The following AUTS2 variants were observed in gnomAD, a reference collection of about 807,000 sequenced individuals.
The protein encoded by AUTS2 is activator of transcription and developmental regulator AUTS2, also known as autism susceptibility gene 2 protein.
A neutral mutation model predicts 112.4 loss-of-function variants in AUTS2; 17 were observed. That is an observed-to-expected ratio of 0.15 (90% CI 0.10 to 0.23). The LOEUF (loss-of-function observed/expected upper bound fraction) is 0.23, where lower values mean the gene tolerates loss of function less well. Ranked by LOEUF, AUTS2 falls within the 10% of genes least tolerant of loss-of-function variation. AUTS2 has a pLI of 1.00. For synonymous variants in AUTS2, 751 were observed against 702.7 expected (o/e 1.07, Z -1.09); for missense variants, 1,510 against 1,701.6 (o/e 0.89, Z 1.98).
chr7:69,918,068 C>T (rs1423030113), intron 2 of AUTS2, among the ~76,000 whole-genome samples: 1 of 152,110 alleles, frequency 6.6e-6, no homozygotes, highest in Non-Finnish European at 1.5e-5. Context: ...GTCTTGATTT[C>T]CTGACCTCGT....
chr7:69,797,281 G>C (rs986267915), intron 1 of AUTS2, among the ~76,000 whole-genome samples: 1 of 152,086 alleles, frequency 6.6e-6, no homozygotes, highest in Non-Finnish European at 1.5e-5. Context: ...TACCTGGGGG[G>C]ACATGTTCCG....
chr7:70,217,366 G>GT (rs1325368808), intron 4 of AUTS2, among the ~76,000 whole-genome samples: 1 of 152,184 alleles, frequency 6.6e-6, no homozygotes, highest in Admixed American at 6.5e-5. Context: ...GAAGGAAACT[G>GT]AAGTTTACAT....
intron 5 of AUTS2, among the ~76,000 whole-genome samples, chr7:70,638,868 A>T (rs1036728995): frequency 1.3e-5 from 2 of 152,222 alleles, no homozygotes; most frequent in Non-Finnish European, 2.9e-5. Context: ...CATAAATAAT[A>T]GAGAGCAGGC....
chr7:69,711,034 T>C (rs998447180), intron 1 of AUTS2, among the ~76,000 whole-genome samples: 9 of 152,200 alleles, frequency 5.9e-5, no homozygotes, highest in South Asian at 2.1e-4. Context: ...TGTTTCCTTT[T>C]TGTGCCTTAA....
intron 6 of AUTS2, among the ~76,000 whole-genome samples, chr7:70,733,355 G>T (rs1277332278): frequency 1.3e-5 from 2 of 152,138 alleles, no homozygotes; most frequent in Admixed American, 1.3e-4. Context: ...GCATTTTATG[G>T]AAACTTAGAA....
chr7:69,948,040 A>G (rs868792369), intron 2 of AUTS2, among the ~76,000 whole-genome samples: 2 of 152,238 alleles, frequency 1.3e-5, no homozygotes, highest in African/African-American at 2.4e-5. Context: ...CTATGTCTAC[A>G]TACACATCAA....
intron 5 of AUTS2, among the ~76,000 whole-genome samples, chr7:70,609,964 T>TGTC (rs1434648019): frequency 4.0e-4 from 24 of 59,984 alleles, no homozygotes; most frequent in African/African-American, 1.5e-3. Context: ...TGTTTTTTGT[T>TGTC]GTTGTTGTTG....
chr7:70,735,561 CG>C (rs1787734276), intron 6 of AUTS2, among the ~76,000 whole-genome samples: 1 of 152,128 alleles, frequency 6.6e-6, no homozygotes, highest in Non-Finnish European at 1.5e-5. Flanking sequence ...CAAGTGAATG[CG>C]GGTGCATCAC....
chr7:70,591,961 C>T (rs1802968608), intron 5 of AUTS2, among the ~76,000 whole-genome samples: 1 of 151,986 alleles, frequency 6.6e-6, no homozygotes, highest in Admixed American at 6.6e-5. Flanking sequence ...GCTGAGCCTT[C>T]AATAGAGATG....
chr7:70,634,663 G>T (rs868432862), intron 5 of AUTS2, among the ~76,000 whole-genome samples: 12 of 152,158 alleles, frequency 7.9e-5, no homozygotes, highest in Middle Eastern at 3.2e-3. Context: ...ACGAGGCTAG[G>T]AATAAGACCA....
chr7:70,404,777 T>C (rs1481145016), intron 4 of AUTS2, among the ~76,000 whole-genome samples: 1 of 152,210 alleles, frequency 6.6e-6, no homozygotes, highest in Non-Finnish European at 1.5e-5. Context: ...TGGCTCATCA[T>C]CTTTCTACCT....
intron 6 of AUTS2, among the ~76,000 whole-genome samples, chr7:70,751,171 C>A (rs1469336820): frequency 6.6e-6 from 1 of 152,116 alleles, no homozygotes; most frequent in Non-Finnish European, 1.5e-5. Flanking sequence ...GTGACCAGGG[C>A]TGGATTAGCC....
At chr7:70,709,682 A>G (rs2129549180) in intron 6 of AUTS2, among the ~76,000 whole-genome samples, 1 of 152,332 alleles carries the variant, frequency 6.6e-6, no homozygotes, top group East Asian at 1.9e-4. Flanking sequence ...ACCACACTCC[A>G]GCCTAGGCAA....
intron 5 of AUTS2, among the ~76,000 whole-genome samples, chr7:70,606,072 C>T (rs902879172): frequency 1.3e-5 from 2 of 152,176 alleles, no homozygotes; most frequent in African/African-American, 4.8e-5. Context: ...GCTATATGTC[C>T]AGAGTGCCCC....
Position 70,491,545 on chromosome 7 carries a change from T to C in AUTS2, c.690+55764T>C, listed in dbSNP as rs1028953994. Among the ~76,000 whole-genome samples, 36 of 145,472 alleles carry C rather than the reference T, an allele frequency of 2.5e-4. No homozygotes were observed. The Admixed American group carries it at 2.5e-3, about 10-fold the overall frequency. ...ACACAATATATTATATATACACATA[T>C]ATGTTATATATAATATATTATGTGT... is the stretch of plus-strand genomic sequence containing the variant. On this transcript the variant is annotated intron_variant, in intron 5 of 18. Coordinates refer to ENST00000342771, the MANE Select transcript of AUTS2 (RefSeq NM_015570.4).
chr7:69,754,114 CTTCACAGG>C (rs1441674004), intron 1 of AUTS2, among the ~76,000 whole-genome samples: 7 of 152,150 alleles, frequency 4.6e-5, no homozygotes, highest in Non-Finnish European at 8.8e-5. Context: ...CCTCTGGTGT[CTTCACAGG>C]TGACTCAACT....
chr7:70,371,316 A>G (rs1792826527), intron 4 of AUTS2, among the ~76,000 whole-genome samples: 1 of 152,224 alleles, frequency 6.6e-6, no homozygotes, highest in African/African-American at 2.4e-5. Context: ...GGGTTGAAAG[A>G]CACCATTGTA....
intron 1 of AUTS2, among the ~76,000 whole-genome samples, chr7:69,639,596 C>T (rs1794710076): frequency 6.6e-6 from 1 of 152,220 alleles, no homozygotes; most frequent in Non-Finnish European, 1.5e-5. Flanking sequence ...GTGGTCTACC[C>T]TGTCTTTAAA....
At chr7:70,367,813 C>G (rs1792654146) in intron 4 of AUTS2, among the ~76,000 whole-genome samples, 1 of 152,144 alleles carries the variant, frequency 6.6e-6, no homozygotes, top group South Asian at 2.1e-4. Flanking sequence ...AGACCACTGG[C>G]TTTGCTAGCT....
Sources: gnomAD v4.1 joint callset for allele counts (sites outside exome capture counted in the v4.1 genomes callset) on GRCh38, gnomAD v4.1.1 for gene constraint, MANE v1.5 for transcripts, NCBI Gene and HGNC (gene_info 2026-07-23, HGNC 2026-07-21) for gene names.